SYNE1: variants seen among roughly 807,000 people sequenced by gnomAD.
The protein encoded by SYNE1 is spectrin repeat containing nuclear envelope protein 1, also known as nesprin-1.
A neutral mutation model predicts 1,111.0 loss-of-function variants in SYNE1; 616 were observed. That is an observed-to-expected ratio of 0.55 (90% CI 0.52 to 0.59). SYNE1 has a LOEUF of 0.59. Ranked by LOEUF, SYNE1 falls within the 20% of genes least tolerant of loss-of-function variation. The pLI is 0.00. For missense variants in SYNE1, 10,006 were observed against 10,417.0 expected, an observed-to-expected ratio of 0.96 and a Z score of 1.72; for synonymous variants, 3,855 against 3,825.8, an observed-to-expected ratio of 1.01 and a Z score of -0.28.
chr6:152,326,220 T>A (rs2096064007), intron 79 of SYNE1, 76 bp downstream of exon 79: 8 of 1,611,546 alleles, frequency 5.0e-6, no homozygotes, highest in Non-Finnish European at 6.8e-6. Flanking sequence ...TGCTAATGTA[T>A]ATCATTCGTG....
rs1459427337 is a variant in SYNE1 at position 152,488,463 on chromosome 6, A to G, written c.980T>C (p.Ile327Thr). Residue 327 changes from isoleucine (I) to threonine (T), a missense_variant, in exon 12 of 146, where the codon ATA (isoleucine) becomes ACA (threonine). Transcript: ENST00000367255. ...TGTCAAATCTCTCTCAAATTGTTCT[A>G]TCCAAACTTTCATTTCCTTAAAAAT... ...RVIFKEMKVW[I>T]EQFERDLTRA... is the part of the protein sequence containing the mutation. 1.2e-6 allele frequency: 2 copies of G among 1,608,818 alleles called. No individual in the cohort carries two copies. The highest frequency in any genetic ancestry group is 1.3e-5 in the African/African-American group (1 of 74,938).
chr6:152,425,419 A>T lies in SYNE1; in HGVS notation c.5229T>A (p.Asp1743Glu). ...KMMKLHLEQL[D>E]ERWRDLPQII... Reference sequence around the variant, plus strand: ...TCTGTGGTAAATCTCTCCATCTCTCATCCAACTGCTCCAAATGTAGTTTCA... The same window carrying T: ...TCTGTGGTAAATCTCTCCATCTCTCTTCCAACTGCTCCAAATGTAGTTTCA... The change falls in exon 39 of 146, where the codon GAT becomes GAA. Residue 1743 changes from aspartate (D) to glutamate (E), a missense_variant. This residue lies in a region of SYNE1 where 1,971 missense variants were observed against 2,084.1 expected (regional missense o/e 0.95). Transcript: ENST00000367255. 6.2e-7 allele frequency: 1 copy of T among 1,614,184 alleles called. No homozygotes were observed. Among genetic ancestry groups the T allele is most frequent in the South Asian group, 1.1e-5 (1 of 91,090 alleles).
chr6:152,202,748 C>A (rs1187844390), intron 126 of SYNE1, among the ~76,000 whole-genome samples: 3 of 151,956 alleles, frequency 2.0e-5, no homozygotes. Flanking sequence ...CAATGTCTAC[C>A]CTTTCCCAAA....
intron 3 of SYNE1, among the ~76,000 whole-genome samples, chr6:152,547,814 G>T (rs2099321654): frequency 6.6e-6 from 1 of 152,028 alleles, no homozygotes; most frequent in African/African-American, 2.4e-5. Flanking sequence ...ATGTCCTTCA[G>T]GTTCATCCAT....
intron 139 of SYNE1, 100 bp from the exon 140 acceptor site, chr6:152,140,261 A>G (rs1346542318): frequency 2.5e-6 from 3 of 1,178,960 alleles, no homozygotes; most frequent in Non-Finnish European, 3.8e-6. Flanking sequence ...AAATAGCAAC[A>G]GAAAGAAAAG....
intron 126 of SYNE1, among the ~76,000 whole-genome samples, chr6:152,204,212 A>T (rs2076063254): frequency 6.6e-6 from 1 of 151,950 alleles, no homozygotes; most frequent in African/African-American, 2.4e-5. Flanking sequence ...TAAAAATACA[A>T]AAATTAGCCA....
chr6:152,322,339 A>G lies in SYNE1; in HGVS notation c.15918-453T>C, dbSNP rs141428742. Among the ~76,000 whole-genome samples, 799 of 152,228 alleles carry G rather than the reference A, an allele frequency of 5.2e-3. 7 individuals are homozygous for G. The highest frequency in any genetic ancestry group is 0.018 in the African/African-American group (730 of 41,524). ...TTCAAGTCTTTATTTGAATTAATGT[A>G]AATTTGGTAAGAAGATTTTAAAAAG... is the stretch of plus-strand genomic sequence containing the variant. On this transcript the variant is annotated intron_variant, in intron 82 of 145. Transcript: ENST00000367255.
intron 22 of SYNE1, among the ~76,000 whole-genome samples, chr6:152,458,209 G>A (rs2098709000): frequency 6.6e-6 from 1 of 152,126 alleles, no homozygotes; most frequent in African/African-American, 2.4e-5. Context: ...TAAATACAAA[G>A]CAGAGAAATA....
chr6:152,376,328 T>C lies in SYNE1; in HGVS notation c.9324+53A>G. On this transcript the variant is annotated intron_variant, in intron 58 of 145. Coordinates refer to ENST00000367255, the MANE Select transcript of SYNE1 (RefSeq NM_182961.4). Reference sequence around the variant, plus strand: ...AGATGGGGACCCTTGATTTAGAGGTTAACTTTAGTTCACATCAGCACTGCT... The same window carrying C: ...AGATGGGGACCCTTGATTTAGAGGTCAACTTTAGTTCACATCAGCACTGCT... 1.9e-6 allele frequency: 3 copies of C among 1,595,614 alleles called. No homozygotes were observed. The South Asian group carries it at 3.3e-5, about 18-fold the overall frequency.
chr6:152,225,340 C>T (rs1035580714), intron 116 of SYNE1, among the ~76,000 whole-genome samples: 7 of 151,536 alleles, frequency 4.6e-5, no homozygotes, highest in Non-Finnish European at 1.0e-4. Context: ...TATCTTAAGA[C>T]AAAACATCTA....
At chr6:152,451,810 T>C (rs893632492) in intron 25 of SYNE1, among the ~76,000 whole-genome samples, 1 of 152,064 alleles carries the variant, frequency 6.6e-6, no homozygotes, top group Non-Finnish European at 1.5e-5. Context: ...GTTCTTATTT[T>C]ACAGATTACA....
chr6:152,268,224 A>T (rs937903451), intron 99 of SYNE1, 59 bp from the exon 100 acceptor site: 4 of 1,340,410 alleles, frequency 3.0e-6, no homozygotes, highest in Non-Finnish European at 4.3e-6. Context: ...ATTGCCTACA[A>T]TCATAGTTCT....
intron 4 of SYNE1, among the ~76,000 whole-genome samples, chr6:152,535,599 A>G (rs1025065366): frequency 2.0e-5 from 3 of 152,344 alleles, no homozygotes; most frequent in Admixed American, 6.5e-5. Flanking sequence ...AAATATCATA[A>G]GATTGAATCA....
intron 3 of SYNE1, among the ~76,000 whole-genome samples, chr6:152,609,405 A>G (rs1390585200): frequency 6.6e-6 from 1 of 152,200 alleles, no homozygotes; most frequent in Non-Finnish European, 1.5e-5. Context: ...GTGAGGCAGC[A>G]GCCTGGCTGG....
chr6:152,188,527 A>C (rs1431644195), intron 128 of SYNE1, among the ~76,000 whole-genome samples: 1 of 152,236 alleles, frequency 6.6e-6, no homozygotes, highest in African/African-American at 2.4e-5. Context: ...TAAAAGTGAT[A>C]ATAAATATTC....
Position 152,484,894 on chromosome 6 carries a change from C to G in SYNE1, c.1126G>C (p.Gly376Arg). ...AATGCTTGGTCAAGTGACAATTTACCGTCTCTGTGTAATGGTTGTATTAAA... is the reference window on the plus strand; with the variant it reads ...AATGCTTGGTCAAGTGACAATTTACGGTCTCTGTGTAATGGTTGTATTAAA... ...EHLIQPLHRD[G>R]KLSLDQALVK... Residue 376 changes from glycine (G) to arginine (R), a missense_variant, in exon 13 of 146, where the codon GGT (glycine) becomes CGT (arginine). By Grantham distance (125) the Gly-to-Arg change is moderately radical (BLOSUM62 -2). This residue lies in a region of SYNE1 where 1,971 missense variants were observed against 2,084.1 expected (regional missense o/e 0.95). Transcript: ENST00000367255. The G allele has an allele frequency of 6.2e-7, 1 of 1,613,770 alleles. No individual in the cohort carries two copies. The highest frequency in any genetic ancestry group is 8.5e-7 in the Non-Finnish European group (1 of 1,179,890).
intron 3 of SYNE1, among the ~76,000 whole-genome samples, chr6:152,596,774 G>C (rs2099583143): frequency 6.6e-6 from 1 of 152,182 alleles, no homozygotes; most frequent in South Asian, 2.1e-4. Context: ...TAATTGAAAA[G>C]AGATCTTTCT....
At chr6:152,241,522 G>GTC (rs1316270905) in intron 107 of SYNE1, among the ~76,000 whole-genome samples, 6 of 140,272 alleles carry the variant, frequency 4.3e-5, no homozygotes, top group African/African-American at 1.6e-4. Flanking sequence ...GTGTGTGTGT[G>GTC]TGTGTGTGAA....
rs116890530 is a variant in SYNE1 at position 152,510,565 on chromosome 6, C to T, written c.403-194G>A. On this transcript the variant is annotated intron_variant, in intron 7 of 145. Transcript: ENST00000367255. ...CCCATTGCACCCCTAGTGTATCTTA[C>T]ATACAATAATCCATATTTGTAGAAT... Among the ~76,000 whole-genome samples the T allele has an allele frequency of 2.5e-3, 383 of 152,254 alleles. 1 individual carries two copies. Among genetic ancestry groups the T allele is most frequent in the Non-Finnish European group, 4.4e-3 (298 of 68,020 alleles).
Sources: gnomAD v4.1 joint callset for allele counts (sites outside exome capture counted in the v4.1 genomes callset) on GRCh38, gnomAD v4.1.1 for gene constraint, gnomAD v4.1.1 regional missense constraint, MANE v1.5 for transcripts, NCBI Gene and HGNC (gene_info 2026-07-23, HGNC 2026-07-21) for gene names.